Variants in TRIQK observed in about 807,000 individuals in gnomAD.
TRIQK encodes triple QxxK/R motif containing.
TRIQK carries 10 observed loss-of-function variants against 10.8 expected under a neutral mutation model. The ratio of observed to expected loss-of-function variants is 0.92; its 90% CI spans 0.57 to 1.57. TRIQK has a LOEUF of 1.57. Among genes scored for constraint, TRIQK ranks in the 40% most tolerant of loss-of-function variants. TRIQK has a pLI of 0.00. For synonymous variants in TRIQK, 33 were observed against 33.7 expected (o/e 0.98, Z 0.07); for missense variants, 107 against 97.7 (o/e 1.09, Z -0.40).
intron 1 of TRIQK, among the ~76,000 whole-genome samples, chr8:93,016,771 G>A (rs1813387737): frequency 6.6e-6 from 1 of 152,156 alleles, no homozygotes; most frequent in South Asian, 2.1e-4. Context: ...ATTCCCGACA[G>A]AGGCAGCAGC....
intron 1 of TRIQK, among the ~76,000 whole-genome samples, chr8:93,012,639 CCAGAA>C (rs1813346605): frequency 6.6e-6 from 1 of 151,962 alleles, no homozygotes; most frequent in African/African-American, 2.4e-5. Context: ...CACATTGATA[CCAGAA>C]AAGACCATAA....
chr8:92,994,941 A>G (rs1813137893), intron 1 of TRIQK, among the ~76,000 whole-genome samples: 2 of 151,688 alleles, frequency 1.3e-5, no homozygotes, highest in African/African-American at 4.8e-5. Context: ...AAAAAACTGT[A>G]TTTATCAGTT....
At chr8:92,951,358 T>C (rs1811893459) in intron 2 of TRIQK, among the ~76,000 whole-genome samples, 1 of 152,020 alleles carries the variant, frequency 6.6e-6, no homozygotes, top group African/African-American at 2.4e-5. Context: ...AGCGCTCTTT[T>C]TGGATTCTTA....
chr8:92,992,446 G>T (rs747354242), intron 1 of TRIQK, among the ~76,000 whole-genome samples: 1 of 152,192 alleles, frequency 6.6e-6, no homozygotes, highest in Non-Finnish European at 1.5e-5. Context: ...GCACCAGTAG[G>T]GGTGAGAGAC....
intron 1 of TRIQK, among the ~76,000 whole-genome samples, chr8:93,003,604 G>A (rs575794945): frequency 2.6e-5 from 4 of 151,876 alleles, no homozygotes; most frequent in East Asian, 1.9e-4. Context: ...CTTTCCAACC[G>A]TCCCCCAAAG....
intron 1 of TRIQK, among the ~76,000 whole-genome samples, chr8:92,962,823 G>C (rs903001875): frequency 6.6e-6 from 1 of 152,174 alleles, no homozygotes; most frequent in Non-Finnish European, 1.5e-5. Context: ...GTAAGTAAGC[G>C]TATCTGTTCC....
chr8:92,892,067 C>T lies in TRIQK; in HGVS notation c.69G>A (p.Gln23=), dbSNP rs143969447. The change falls in exon 4 of 5, where the codon CAG becomes CAA. Residue 23 remains glutamine, a synonymous_variant. Transcript: ENST00000521988. ...AAATAGGTTTAGTTTTTTTATAATC[C>T]TGTTTACCTAGAAAGAAATAGTTTC... ...VDQYRKQIGK[Q]DYKKTKPILR... is the part of the protein sequence containing the mutation. The T allele has an allele frequency of 4.8e-4, 723 of 1,520,992 alleles. 1 individual carries two copies. In the African/African-American group the frequency reaches 6.3e-3, roughly 13 times the overall value. The allele number at this position is 1,520,992 out of a possible 1,614,324, so 94.2% of individuals were successfully genotyped here. A position where few individuals can be genotyped will look rare whatever the true frequency, so the allele number is the denominator to read the frequency against.
At chr8:93,011,581 C>T (rs962920057) in intron 1 of TRIQK, among the ~76,000 whole-genome samples, 9 of 151,872 alleles carry the variant, frequency 5.9e-5, no homozygotes, top group Admixed American at 6.6e-5. Flanking sequence ...CCTTCCTGGT[C>T]AAAGAGGTGG....
intron 2 of TRIQK, among the ~76,000 whole-genome samples, chr8:92,930,177 A>G (rs1391041538): frequency 6.6e-6 from 1 of 151,612 alleles, no homozygotes; most frequent in African/African-American, 2.4e-5. Flanking sequence ...CGGGAGTTTG[A>G]TATCAGCCTG....
intron 2 of TRIQK, among the ~76,000 whole-genome samples, chr8:92,929,155 G>A (rs1481749651): frequency 6.6e-6 from 1 of 152,154 alleles, no homozygotes; most frequent in Non-Finnish European, 1.5e-5. Context: ...AGTCAATAAT[G>A]TTGGGGAGTG....
At chr8:92,986,428 C>A (rs901315913) in intron 1 of TRIQK, among the ~76,000 whole-genome samples, 1 of 152,044 alleles carries the variant, frequency 6.6e-6, no homozygotes, top group African/African-American at 2.4e-5. Context: ...GAAATTAGTA[C>A]AATTAGCAAA....
chr8:92,887,614 G>A (rs1244512317), intron 4 of TRIQK, among the ~76,000 whole-genome samples: 2 of 150,956 alleles, frequency 1.3e-5, no homozygotes, highest in East Asian at 3.9e-4. Context: ...TATCCTAAAG[G>A]GCTTACATAC....
rs184642629 is a variant in TRIQK, at chr8:93,007,220, T to C, written c.-181+10389A>G. Among the ~76,000 whole-genome samples the C allele has an allele frequency of 7.9e-5, 12 of 152,238 alleles. No homozygotes were observed. In the East Asian group the frequency reaches 1.9e-3, roughly 25 times the overall value. On this transcript the variant is annotated intron_variant, in intron 1 of 4. Transcript: ENST00000520686. ...CAGGTACAGGAGGGGCCCAGACGAA[T>C]AGGAGTGAATCCCCAGCAAACTGCA...
chr8:92,972,569 C>G (rs1812886312), intron 1 of TRIQK: 1 of 152,412 alleles, frequency 6.6e-6, no homozygotes, highest in African/African-American at 2.4e-5. Context: ...CTGCCTAGCT[C>G]CAACTTTCTA....
intron 1 of TRIQK, among the ~76,000 whole-genome samples, chr8:93,000,882 TAA>T (rs60359673): frequency 4.1e-5 from 5 of 122,144 alleles, no homozygotes; most frequent in Non-Finnish European, 5.2e-5. Flanking sequence ...CACAAAGGAT[TAA>T]AAAAAAAAAA....
chr8:92,893,533 A>G (rs181934528), intron 3 of TRIQK, among the ~76,000 whole-genome samples: 30 of 152,126 alleles, frequency 2.0e-4, no homozygotes, highest in Non-Finnish European at 3.1e-4. Flanking sequence ...AAATAATGGA[A>G]TGAACAAAAT....
intron 3 of TRIQK, among the ~76,000 whole-genome samples, chr8:92,901,350 T>C (rs1260517821): frequency 6.6e-6 from 1 of 152,194 alleles, no homozygotes. Context: ...CTTTCACTTT[T>C]TCCTCATTCA....
chr8:92,983,458 C>A (rs1237400910), intron 1 of TRIQK, among the ~76,000 whole-genome samples: 1 of 152,040 alleles, frequency 6.6e-6, no homozygotes, highest in Non-Finnish European at 1.5e-5. Flanking sequence ...TTCATGGAGT[C>A]AGTCTTCCTT....
At chr8:92,998,872 A>G (rs1813179833) in intron 1 of TRIQK, among the ~76,000 whole-genome samples, 1 of 152,094 alleles carries the variant, frequency 6.6e-6, no homozygotes, top group African/African-American at 2.4e-5. Context: ...AGCAACAAAG[A>G]AAGAACACTT....
Sources: gnomAD v4.1 joint callset for allele counts (sites outside exome capture counted in the v4.1 genomes callset) on GRCh38, gnomAD v4.1.1 for gene constraint, MANE v1.5 for transcripts, NCBI Gene and HGNC (gene_info 2026-07-23, HGNC 2026-07-21) for gene names.